The following MALRD1 variants were observed in gnomAD, a reference collection of about 807,000 sequenced individuals.
MALRD1 encodes the protein MAM and LDL receptor class A domain containing 1.
In MALRD1, 247 loss-of-function variants were observed where a neutral mutation model predicts 242.1. That is an observed-to-expected ratio of 1.02 (90% CI 0.92 to 1.13). The LOEUF (loss-of-function observed/expected upper bound fraction) is 1.13, where lower values mean the gene tolerates loss of function less well. Ranked by LOEUF, MALRD1 falls within the 50% of genes most tolerant of loss-of-function variation. MALRD1 has a pLI of 0.00. For synonymous variants in MALRD1, 995 were observed against 866.6 expected (o/e 1.15, Z -2.60); for missense variants, 2,989 against 2,533.1 (o/e 1.18, Z -3.86).
chr10:19,330,519 T>A (rs140682634), intron 23 of MALRD1, among the ~76,000 whole-genome samples: 2 of 152,184 alleles, frequency 1.3e-5, no homozygotes, highest in African/African-American at 4.8e-5. Context: ...TCTCAATATT[T>A]CTTATGTTAA....
At chr10:19,565,954 G>A (rs976116762) in intron 32 of MALRD1, among the ~76,000 whole-genome samples, 2 of 151,782 alleles carry the variant, frequency 1.3e-5, no homozygotes, top group Non-Finnish European at 2.9e-5. Context: ...TTAACATCTC[G>A]ATTTCTGAAA....
intron 2 of MALRD1, 31 bp from the exon 3 acceptor site, chr10:19,087,809 T>G (rs1835724134): frequency 8.6e-7 from 1 of 1,162,892 alleles, no homozygotes; most frequent in South Asian, 4.4e-5. Flanking sequence ...TTTCTGGTTT[T>G]TTTTTGTACC....
At chr10:19,432,264 C>T (rs1834164186) in intron 28 of MALRD1, among the ~76,000 whole-genome samples, 1 of 152,098 alleles carries the variant, frequency 6.6e-6, no homozygotes, top group Admixed American at 6.5e-5. Context: ...TGATAGTATG[C>T]CTCAGGAATA....
Position 19,705,804 on chromosome 10 carries a change from T to TAAAAAAAAAAAAA in MALRD1, c.6314+13252_6314+13264dup, listed in dbSNP as rs61437328. Among the ~76,000 whole-genome samples, 130 of 102,804 alleles carry TAAAAAAAAAAAAA rather than the reference T, an allele frequency of 1.3e-3. 13 individuals carry two copies. In the East Asian group the frequency reaches 0.027, roughly 22 times the overall value. 67.4% of individuals were successfully genotyped at this position (102,804 alleles called of 152,430 possible). A position where few individuals can be genotyped will look rare whatever the true frequency, so the allele number is the denominator to read the frequency against. On this transcript the variant is annotated intron_variant, in intron 38 of 39. Transcript: ENST00000454679. ...ACCTTGTTCTCATGTCCTGCAATAGTAAAAAAAAAAAAAAGCCCACAAGAG... is the reference window on the plus strand; with the variant it reads ...ACCTTGTTCTCATGTCCTGCAATAGTAAAAAAAAAAAAAAAAAAAAAAAAAAAGCCCACAAGAG...
intron 4 of MALRD1, among the ~76,000 whole-genome samples, chr10:19,088,406 AC>A: frequency 6.6e-6 from 1 of 151,918 alleles, no homozygotes; most frequent in Non-Finnish European, 1.5e-5. Flanking sequence ...ATGTATTAAA[AC>A]TAAAGTTGGT....
At chr10:19,614,398 A>G (rs1839041786) in intron 35 of MALRD1, among the ~76,000 whole-genome samples, 1 of 152,086 alleles carries the variant, frequency 6.6e-6, no homozygotes, top group Non-Finnish European at 1.5e-5. Flanking sequence ...AATTAAAGAC[A>G]GAGGAAATTT....
chr10:19,136,225 A>G (rs778218290), intron 9 of MALRD1, among the ~76,000 whole-genome samples: 2 of 152,172 alleles, frequency 1.3e-5, no homozygotes, highest in Non-Finnish European at 2.9e-5. Flanking sequence ...AAAGATGATG[A>G]CCAAGTAACA....
intron 31 of MALRD1, among the ~76,000 whole-genome samples, chr10:19,529,402 T>A (rs1188063882): frequency 6.6e-6 from 1 of 152,088 alleles, no homozygotes; most frequent in East Asian, 1.9e-4. Context: ...GGCTTGGTAG[T>A]TATAATGTAT....
intron 18 of MALRD1, among the ~76,000 whole-genome samples, chr10:19,233,334 T>G (rs371631039): frequency 6.6e-6 from 1 of 152,094 alleles, no homozygotes; most frequent in South Asian, 2.1e-4. Context: ...AAACCCCATC[T>G]CTACTAAAAA....
chr10:19,108,258 A>G (rs1307561479), intron 5 of MALRD1, among the ~76,000 whole-genome samples: 1 of 152,008 alleles, frequency 6.6e-6, no homozygotes, highest in Non-Finnish European at 1.5e-5. Context: ...TCCTTGTTCT[A>G]CTAGTGTGTT....
At chr10:19,101,403 T>A (rs10740842) in intron 4 of MALRD1, among the ~76,000 whole-genome samples, 1 of 140,296 alleles carries the variant, frequency 7.1e-6, no homozygotes, top group Non-Finnish European at 1.5e-5. Flanking sequence ...ATTGTATTAT[T>A]CATATATTAT....
intron 39 of MALRD1, 37 bp from the exon 40 acceptor site, chr10:19,734,120 A>G: frequency 6.7e-7 from 1 of 1,485,180 alleles, no homozygotes. Flanking sequence ...CTTAATGCCT[A>G]AAATTCCACC....
chr10:19,362,199 G>T (rs532311235), intron 26 of MALRD1, among the ~76,000 whole-genome samples: 1 of 152,174 alleles, frequency 6.6e-6, no homozygotes, highest in African/African-American at 2.4e-5. Flanking sequence ...ATCAACTTCA[G>T]TGTATCCAAT....
chr10:19,336,535 A>G (rs1050866929), intron 24 of MALRD1, among the ~76,000 whole-genome samples: 5 of 152,308 alleles, frequency 3.3e-5, no homozygotes, highest in East Asian at 1.9e-4. Context: ...TTGATGGGTT[A>G]AAGTCACCTA....
intron 32 of MALRD1, among the ~76,000 whole-genome samples, chr10:19,549,467 C>T (rs1043529635): frequency 1.3e-5 from 2 of 152,152 alleles, no homozygotes; most frequent in African/African-American, 4.8e-5. Context: ...CAATCACCAC[C>T]CTAATCAGTG....
intron 38 of MALRD1, among the ~76,000 whole-genome samples, chr10:19,709,122 A>T (rs1368714697): frequency 7.0e-6 from 1 of 142,394 alleles, no homozygotes; most frequent in Non-Finnish European, 1.5e-5. Flanking sequence ...TATTTCCATT[A>T]TGACTGGGTG....
At chr10:19,477,927 T>C (rs1297671636) in intron 29 of MALRD1, among the ~76,000 whole-genome samples, 1 of 152,186 alleles carries the variant, frequency 6.6e-6, no homozygotes, top group Non-Finnish European at 1.5e-5. Flanking sequence ...GGAGCTGCCA[T>C]GTTGAACATG....
At chr10:19,282,967 A>C (rs773535769) in intron 20 of MALRD1, 52 bp from the exon 21 acceptor site, 108 of 1,367,892 alleles carry the variant, frequency 7.9e-5, no homozygotes, top group Non-Finnish European at 1.0e-4. Context: ...GATTGTACAG[A>C]TAGAAACTGC....
chr10:19,229,166 T>A (rs1444111479), intron 18 of MALRD1, among the ~76,000 whole-genome samples: 1 of 152,186 alleles, frequency 6.6e-6, no homozygotes, highest in East Asian at 1.9e-4. Context: ...ATGTGTGGTT[T>A]CCACAGTGGC....
Sources: allele counts gnomAD v4.1 joint callset (sites outside exome capture counted in the v4.1 genomes callset), GRCh38; gene constraint gnomAD v4.1.1; transcripts MANE v1.5; gene names NCBI Gene and HGNC (gene_info 2026-07-23, HGNC 2026-07-21).